Variants in NF1 observed in about 807,000 individuals in gnomAD.
NF1 encodes neurofibromin.
NF1 carries 122 observed loss-of-function variants against 325.7 expected under a neutral mutation model. That is an observed-to-expected ratio of 0.37 (90% confidence interval 0.32 to 0.44). The LOEUF (loss-of-function observed/expected upper bound fraction) is 0.44, where lower values mean the gene tolerates loss of function less well. Among genes scored for constraint, NF1 ranks in the 20% least tolerant of loss-of-function variants. The pLI, the probability that NF1 is intolerant of heterozygous loss-of-function variation, is 1.00. For missense variants in NF1, 2,140 were observed against 3,415.4 expected (o/e 0.63, Z 9.31); for synonymous variants, 1,091 against 1,186.0 (o/e 0.92, Z 1.65).
chr17:31,130,176 T>C (rs73989988), intron 1 of NF1, among the ~76,000 whole-genome samples: 1 of 150,854 alleles, frequency 6.6e-6, no homozygotes, highest in African/African-American at 2.4e-5. Flanking sequence ...GGGCCAGGGC[T>C]CATCTCAGGA....
chr17:31,226,349 AC>A, intron 17 of NF1, 85 bp from the exon 18 acceptor site: 1 of 1,518,564 alleles, frequency 6.6e-7, no homozygotes, highest in Non-Finnish European at 9.0e-7. Flanking sequence ...ACACACACAC[AC>A]ACACACACAG....
rs760177417 is a variant in NF1 at position 31,337,487 on chromosome 17, C to A, written c.6547C>A (p.Arg2183=). The A allele has an allele frequency of 3.1e-6, 5 of 1,614,044 alleles. No individual in the cohort carries two copies. In the Admixed American group the frequency reaches 8.3e-5, roughly 27 times the overall value. ...TGTCATTGCCTTCCGTTCCAGTTAC[C>A]GGGACAGGTCATTCTCTCCTGGCTC... ...AAVIAFRSSY[R]DRSFSPGSYE... is the part of the protein sequence containing the mutation. Residue 2183 remains arginine (R), a synonymous_variant, in exon 43 of 58, where the codon CGG becomes AGG. Transcript: ENST00000358273.
In NF1 at chr17:31,145,433, C is replaced by T. The variant is rs929628864; in HGVS notation, c.61-10550C>T. ...TCTCAAATTCCTGACCTCATGTGAT[C>T]CGCCCGCCTCAGCCTCCCAAAGTGC... On this transcript the variant is annotated intron_variant, in intron 1 of 57. Transcript: ENST00000358273. Among the ~76,000 whole-genome samples, 8 of 152,256 alleles carry T rather than the reference C, an allele frequency of 5.3e-5. No individual in the cohort carries two copies. The East Asian group carries it at 1.3e-3, about 26-fold the overall frequency.
At chr17:31,136,854 A>G (rs562439747) in intron 1 of NF1, 13 of 152,202 alleles carry the variant, frequency 8.5e-5, no homozygotes, top group Non-Finnish European at 1.6e-4. Context: ...TATAGGGTTC[A>G]GTACTATCCC....
chr17:31,192,010 C>A (rs1176917435), intron 8 of NF1, among the ~76,000 whole-genome samples: 1 of 152,122 alleles, frequency 6.6e-6, no homozygotes, highest in Non-Finnish European at 1.5e-5. Context: ...GAGCAGTAAT[C>A]CTACATTTTT....
intron 1 of NF1, among the ~76,000 whole-genome samples, chr17:31,117,672 CAAAAAAAAAAAA>C (rs780828438): frequency 1.3e-3 from 25 of 19,798 alleles, no homozygotes; most frequent in Admixed American, 2.7e-3. Context: ...AACTCCATCT[CAAAAAAAAAAAA>C]AAAAAAAAAA....
chr17:31,269,801 G>A lies in NF1; in HGVS notation c.4835+4462G>A, dbSNP rs558711439. Among the ~76,000 whole-genome samples, 3 of 152,274 alleles carry A rather than the reference G, an allele frequency of 2.0e-5. No individual in the cohort carries two copies. In the South Asian group the frequency reaches 6.2e-4, roughly 32 times the overall value. On this transcript the variant is annotated intron_variant, in intron 36 of 57. Transcript: ENST00000358273. ...TTTGTGGTTTCAGCAAAAGTGGTTG[G>A]TCTTACTGGCCTGGTGTGAGTCACA...
chr17:31,258,271 C>T (rs2151461471), intron 31 of NF1, 73 bp from the exon 32 acceptor site: 1 of 1,543,612 alleles, frequency 6.5e-7, no homozygotes, highest in Non-Finnish European at 9.0e-7. Flanking sequence ...AAAGTTTGAC[C>T]TTTGAACTCT....
chr17:31,277,902 G>A (rs531207920), intron 36 of NF1, among the ~76,000 whole-genome samples: 1 of 152,126 alleles, frequency 6.6e-6, no homozygotes, highest in Non-Finnish European at 1.5e-5. Flanking sequence ...TAATATCTCA[G>A]TTTGAATTTG....
intron 36 of NF1, among the ~76,000 whole-genome samples, chr17:31,278,733 G>C (rs1220381945): frequency 6.6e-6 from 1 of 151,288 alleles, no homozygotes; most frequent in Non-Finnish European, 1.5e-5. Context: ...TCCTGCCTCA[G>C]CCTCCTGAGT....
chr17:31,197,543 A>G (rs1051530240), intron 8 of NF1, among the ~76,000 whole-genome samples: 1 of 151,772 alleles, frequency 6.6e-6, no homozygotes, highest in African/African-American at 2.4e-5. Context: ...ATTAATTCCT[A>G]TGTATTTTAT....
intron 4 of NF1, among the ~76,000 whole-genome samples, chr17:31,167,369 C>CT (rs2065862962): frequency 6.6e-6 from 1 of 152,070 alleles, no homozygotes; most frequent in South Asian, 2.1e-4. Flanking sequence ...TAGCTGTAGT[C>CT]TAATTAAAGC....
chr17:31,367,045 C>A (rs2854320), intron 57 of NF1, among the ~76,000 whole-genome samples: 75,241 of 151,472 alleles, frequency 0.5, 20,471 homozygotes, highest in Non-Finnish European at 0.62. Context: ...TGTAAGTTCT[C>A]TCATTTATTT....
At chr17:31,288,022 G>A (rs1235149061) in intron 36 of NF1, among the ~76,000 whole-genome samples, 3 of 151,106 alleles carry the variant, frequency 2.0e-5, no homozygotes. Context: ...CATGGCACAT[G>A]TATACATATG....
At chr17:31,305,157 T>C in intron 36 of NF1, 1 of 1,614,146 alleles carries the variant, frequency 6.2e-7, no homozygotes, top group South Asian at 1.1e-5. Context: ...TCTGGACAGA[T>C]GATGATTGTT....
intron 17 of NF1, 32 bp from the exon 18 acceptor site, chr17:31,226,403 G>A (rs2151425413): frequency 6.3e-7 from 1 of 1,595,002 alleles, no homozygotes; most frequent in East Asian, 2.3e-5. Flanking sequence ...TACCCAAGTT[G>A]CAAATATATG....
intron 24 of NF1, 105 bp from the exon 25 acceptor site, chr17:31,231,968 C>T: frequency 7.3e-6 from 5 of 685,466 alleles, no homozygotes; most frequent in Non-Finnish European, 1.2e-5. Flanking sequence ...ATAGGTAGTT[C>T]CTAAGGTTTA....
chr17:31,346,216 G>A, intron 48 of NF1: 1 of 1,610,968 alleles, frequency 6.2e-7, no homozygotes, highest in Admixed American at 1.7e-5. Context: ...GAACCAGGAA[G>A]ATGTGGTCAT....
At chr17:31,236,279 AG>A (rs1328181008) in intron 29 of NF1, among the ~76,000 whole-genome samples, 2 of 152,018 alleles carry the variant, frequency 1.3e-5, no homozygotes, top group African/African-American at 4.8e-5. Flanking sequence ...GACTGTTACT[AG>A]TTAAGTCTGT....
Sources: gnomAD v4.1 joint callset for allele counts (sites outside exome capture counted in the v4.1 genomes callset) on GRCh38, gnomAD v4.1.1 for gene constraint, MANE v1.5 for transcripts, NCBI Gene and HGNC (gene_info 2026-07-23, HGNC 2026-07-21) for gene names.